CHN2: variants seen among roughly 807,000 people sequenced by gnomAD.
CHN2 encodes beta-chimaerin.
Under a neutral mutation model 56.3 loss-of-function variants are expected in CHN2, and 35 were observed. The observed-to-expected ratio is 0.62, with a 90% CI of 0.47 to 0.82. CHN2 has a LOEUF of 0.82. Ranked by LOEUF, CHN2 falls within the 40% of genes least tolerant of loss-of-function variation. The pLI is 0.00. For missense variants in CHN2, 491 were observed against 580.5 expected (o/e 0.85, Z 1.58); for synonymous variants, 210 against 212.8 (o/e 0.99, Z 0.12).
chr7:29,403,048 A>T (rs1802343863), intron 6 of CHN2, among the ~76,000 whole-genome samples: 1 of 151,804 alleles, frequency 6.6e-6, no homozygotes. Context: ...GGTGGTGTGG[A>T]TTTTCTTGGA....
chr7:29,511,076 A>T (rs1791296581), intron 12 of CHN2, among the ~76,000 whole-genome samples: 1 of 147,266 alleles, frequency 6.8e-6, no homozygotes, highest in Non-Finnish European at 1.5e-5. Context: ...CCATTCTTTG[A>T]TAAAAATAAA....
chr7:29,337,811 G>T (rs368215020), intron 1 of CHN2, among the ~76,000 whole-genome samples: 1 of 152,208 alleles, frequency 6.6e-6, no homozygotes, highest in Non-Finnish European at 1.5e-5. Flanking sequence ...TTCCTGTGCT[G>T]TTTGTTGCTC....
At chr7:29,364,056 C>CT (rs1463500605) in intron 2 of CHN2, among the ~76,000 whole-genome samples, 2 of 152,214 alleles carry the variant, frequency 1.3e-5, no homozygotes, top group Non-Finnish European at 2.9e-5. Context: ...AATCAAAAGG[C>CT]TGTATGTTAG....
At chr7:29,323,733 C>G (rs1222000243) in intron 1 of CHN2, among the ~76,000 whole-genome samples, 1 of 151,944 alleles carries the variant, frequency 6.6e-6, no homozygotes, top group East Asian at 1.9e-4. Context: ...CGCGGTGGCT[C>G]ACACCTGTAA....
intron 3 of CHN2, among the ~76,000 whole-genome samples, chr7:29,391,789 C>T (rs553544747): frequency 6.6e-6 from 1 of 152,342 alleles, no homozygotes; most frequent in East Asian, 1.9e-4. Flanking sequence ...ACTTCATGCA[C>T]ATGGCTGGCC....
intron 2 of CHN2, among the ~76,000 whole-genome samples, chr7:29,149,311 C>T (rs1211219815): frequency 1.3e-5 from 2 of 150,220 alleles, no homozygotes; most frequent in East Asian, 4.0e-4. Flanking sequence ...CCTGCTTCAG[C>T]CCCCCGAGTA....
At chr7:29,407,545 C>A (rs1344959477) in intron 6 of CHN2, among the ~76,000 whole-genome samples, 1 of 152,080 alleles carries the variant, frequency 6.6e-6, no homozygotes, top group African/African-American at 2.4e-5. Context: ...GCAGGAGGTT[C>A]TTTGGAAATA....
intron 7 of CHN2, among the ~76,000 whole-genome samples, chr7:29,487,481 A>G (rs1788150532): frequency 6.6e-6 from 1 of 152,110 alleles, no homozygotes; most frequent in Non-Finnish European, 1.5e-5. Context: ...AATGATTACA[A>G]AGTCCTTGTT....
chr7:29,280,469 T>A (rs1584950233), intron 1 of CHN2, among the ~76,000 whole-genome samples: 1 of 151,790 alleles, frequency 6.6e-6, no homozygotes, highest in Admixed American at 6.6e-5. Context: ...ATGGCTTGAG[T>A]TTGGGGGCTT....
At chr7:29,174,652 G>A (rs1797040333) in intron 2 of CHN2, among the ~76,000 whole-genome samples, 2 of 152,280 alleles carry the variant, frequency 1.3e-5, no homozygotes, top group South Asian at 4.1e-4. Flanking sequence ...CCTGAGGTCA[G>A]GAGTTCGAGA....
intron 1 of CHN2, among the ~76,000 whole-genome samples, chr7:29,205,770 A>C (rs1410678086): frequency 6.6e-6 from 1 of 152,212 alleles, no homozygotes; most frequent in African/African-American, 2.4e-5. Context: ...AATCCAAGGA[A>C]CACCACTGTT....
chr7:29,374,810 TTCCTTCC>T (rs1799903548), intron 3 of CHN2, among the ~76,000 whole-genome samples: 1 of 134,610 alleles, frequency 7.4e-6, no homozygotes, highest in African/African-American at 3.4e-5. Context: ...ATTTCCTTCC[TTCCTTCC>T]TTCCTTCCTT....
chr7:29,426,720 A>C (rs1017117356), intron 6 of CHN2, among the ~76,000 whole-genome samples: 16 of 152,256 alleles, frequency 1.1e-4, no homozygotes, highest in Admixed American at 2.0e-4. Flanking sequence ...AGAGTATCAC[A>C]AGGCCCAATT....
intron 1 of CHN2, among the ~76,000 whole-genome samples, chr7:29,296,764 A>G (rs1288523483): frequency 6.6e-6 from 1 of 152,230 alleles, no homozygotes; most frequent in Non-Finnish European, 1.5e-5. Flanking sequence ...CTCTAAATCT[A>G]TTTAGCAGTC....
At chr7:29,419,947 C>A (rs552456685) in intron 6 of CHN2, among the ~76,000 whole-genome samples, 15 of 152,108 alleles carry the variant, frequency 9.9e-5, no homozygotes, top group African/African-American at 3.6e-4. Context: ...GTAATCCCAG[C>A]TACTCGGGAG....
intron 6 of CHN2, among the ~76,000 whole-genome samples, chr7:29,405,363 G>A (rs534322819): frequency 2.0e-5 from 3 of 152,290 alleles, no homozygotes; most frequent in African/African-American, 4.8e-5. Context: ...CTGGGAGAGC[G>A]TAATGATAGC....
At chr7:29,399,950 TG>T (rs1802064835) in intron 5 of CHN2, among the ~76,000 whole-genome samples, 1 of 152,072 alleles carries the variant, frequency 6.6e-6, no homozygotes, top group Admixed American at 6.5e-5. Context: ...GGTTAGATTG[TG>T]GGGACACTGG....
intron 2 of CHN2, among the ~76,000 whole-genome samples, chr7:29,174,535 G>A (rs192211589): frequency 7.0e-4 from 107 of 152,222 alleles, no homozygotes; most frequent in Non-Finnish European, 1.4e-3. Context: ...GATTTGGAAG[G>A]GGCAGAAAGA....
At chr7:29,297,372 G>A (rs891808249) in intron 1 of CHN2, among the ~76,000 whole-genome samples, 4 of 152,156 alleles carry the variant, frequency 2.6e-5, no homozygotes, top group Non-Finnish European at 5.9e-5. Flanking sequence ...GGATAAGGAT[G>A]AAGACCCATC....
Sources: allele counts gnomAD v4.1 joint callset (sites outside exome capture counted in the v4.1 genomes callset), GRCh38; gene constraint gnomAD v4.1.1; transcripts MANE v1.5; gene names NCBI Gene and HGNC (gene_info 2026-07-23, HGNC 2026-07-21).